The following PAFAH1B2 variants were observed in gnomAD, a reference collection of about 807,000 sequenced individuals.
PAFAH1B2 encodes the protein platelet activating factor acetylhydrolase 1b catalytic subunit 2, also known as platelet-activating factor acetylhydrolase IB subunit alpha2.
In PAFAH1B2, 8 loss-of-function variants were observed where a neutral mutation model predicts 28.0. The ratio of observed to expected loss-of-function variants is 0.29; its 90% confidence interval spans 0.17 to 0.52. The LOEUF is 0.52. Ranked by LOEUF, PAFAH1B2 falls within the 20% of genes least tolerant of loss-of-function variation. The pLI is 0.97. For synonymous variants in PAFAH1B2, 104 were observed against 103.2 expected, an observed-to-expected ratio of 1.01 and a Z score of -0.05; for missense variants, 190 against 282.6, an observed-to-expected ratio of 0.67 and a Z score of 2.35.
At position 117,170,211 on chromosome 11, in the gene PAFAH1B2, T is replaced by C. The variant is rs1956618390; in HGVS notation, c.*2512T>C. ...CTTAGTCTTTGTACTTTTTAAAAAA[T>C]CTATAAATTTAATGCACTGTCCAAG... is the stretch of plus-strand genomic sequence containing the variant. On this transcript the variant is annotated 3_prime_UTR_variant, in exon 6 of 6. Transcript: ENST00000527958. 9 of 1,058,548 alleles carry C rather than the reference T, an allele frequency of 8.5e-6. No individual in the cohort carries two copies. Among genetic ancestry groups the C allele is most frequent in the Non-Finnish European group, 1.0e-5 (9 of 875,244 alleles). The allele number at this position is 1,058,548 out of a possible 1,614,324, so 65.6% of individuals were successfully genotyped here.
chr11:117,168,180 ATATTT>A lies in PAFAH1B2; in HGVS notation c.*486_*490del, dbSNP rs1956555480. On this transcript the variant is annotated 3_prime_UTR_variant, in exon 6 of 6. Transcript: ENST00000527958. Reference sequence around the variant, plus strand: ...TTGCTTAGATTCTTATGTATACTGAATATTTTATTAACATGTAGCATCAGGTTGAA... The same window carrying A: ...TTGCTTAGATTCTTATGTATACTGAATATTAACATGTAGCATCAGGTTGAA... 2.9e-6 allele frequency: 3 copies of A among 1,047,850 alleles called. No individual in the cohort carries two copies. The highest frequency in any genetic ancestry group is 4.6e-5 in the South Asian group (1 of 21,696). The allele number at this position is 1,047,850 out of a possible 1,614,324, so 64.9% of individuals were successfully genotyped here. A position where few individuals can be genotyped will look rare whatever the true frequency, so the allele number is the denominator to read the frequency against.
Position 117,160,043 on chromosome 11 carries a change from G to C in PAFAH1B2, c.171+20G>C. ...TATGAGGTAAAGGTGGAAGGGATGA[G>C]CGTGGTTCTTGGCTACTCATGTATA... On this transcript the variant is annotated intron_variant, in intron 3 of 5. Transcript: ENST00000527958. 1 of 1,562,822 alleles carries C rather than the reference G, an allele frequency of 6.4e-7. No individual in the cohort carries two copies. The highest frequency in any genetic ancestry group is 1.7e-5 in the Admixed American group (1 of 59,960).
intron 3 of PAFAH1B2, 73 bp from the exon 4 acceptor site, chr11:117,161,072 C>G: frequency 1.1e-6 from 1 of 908,646 alleles, no homozygotes; most frequent in East Asian, 2.5e-5. Context: ...TAATGCCTTG[C>G]AACACATTGC....
downstream of PAFAH1B2, chr11:117,175,054 A>G (rs897643746): frequency 2.4e-5 from 32 of 1,319,262 alleles, no homozygotes; most frequent in Admixed American, 3.7e-5. Context: ...TGTGTGTTGA[A>G]TGGTCCCATT....
intron 4 of PAFAH1B2, 134 bp downstream of exon 4, chr11:117,161,395 A>G (rs368835188): frequency 1.8e-6 from 1 of 558,498 alleles, no homozygotes; most frequent in Non-Finnish European, 3.1e-6. Flanking sequence ...TTTAAGGTAA[A>G]TGATACTGTC....
At chr11:117,165,884 G>T (rs1956497422) in intron 5 of PAFAH1B2, among the ~76,000 whole-genome samples, 1 of 151,146 alleles carries the variant, frequency 6.6e-6, no homozygotes, top group Non-Finnish European at 1.5e-5. Context: ...CTACTGCCCA[G>T]GCTGGAGTGC....
chr11:117,169,009 T>G lies in PAFAH1B2; in HGVS notation c.*1310T>G, dbSNP rs1366756882. Reference sequence around the variant, plus strand: ...TTTCGCCATGTTAACCAGGCTGGTCTCGAACTCCTGACCTCAGGTGATCTG... The same window carrying G: ...TTTCGCCATGTTAACCAGGCTGGTCGCGAACTCCTGACCTCAGGTGATCTG... On this transcript the variant is annotated 3_prime_UTR_variant, in exon 6 of 6. Coordinates refer to ENST00000527958, the MANE Select transcript of PAFAH1B2 (RefSeq NM_002572.4). The G allele has an allele frequency of 2.2e-6, 1 of 459,882 alleles. No homozygotes were observed. The highest frequency in any genetic ancestry group is 2.9e-6 in the Non-Finnish European group (1 of 339,922). 28.5% of individuals were successfully genotyped at this position (459,882 alleles called of 1,614,324 possible). A position where few individuals can be genotyped will look rare whatever the true frequency, so the allele number is the denominator to read the frequency against.
chr11:117,161,461 A>G (rs940238664), intron 4 of PAFAH1B2, among the ~76,000 whole-genome samples, 200 bp downstream of exon 4: 10 of 151,512 alleles, frequency 6.6e-5, no homozygotes, highest in African/African-American at 1.9e-4. Flanking sequence ...TTGTTTGCCT[A>G]TTGGGTTGTA....
In PAFAH1B2 at chr11:117,169,869, C is replaced by A; in HGVS notation, c.*2170C>A. On this transcript the variant is annotated 3_prime_UTR_variant, in exon 6 of 6. Transcript: ENST00000527958. The stretch of plus-strand genomic sequence containing the variant: ...AGGTGGGAGTATGGTCCAAATAAAT[C>A]CATTAGGTTACTCCTGCAGCATGCG... 1.9e-6 allele frequency: 2 copies of A among 1,054,912 alleles called. No individual in the cohort carries two copies. Among genetic ancestry groups the A allele is most frequent in the Non-Finnish European group, 2.3e-6 (2 of 872,814 alleles). The allele number at this position is 1,054,912 out of a possible 1,614,324, so 65.3% of individuals were successfully genotyped here.
At chr11:117,173,654 C>T (rs1054609881), downstream of PAFAH1B2, among the ~76,000 whole-genome samples, 9 of 152,186 alleles carry the variant, frequency 5.9e-5, no homozygotes, top group Non-Finnish European at 7.3e-5. Flanking sequence ...CATCAAAGTC[C>T]GTCCTTTTTC....
At chr11:117,151,003 AAAG>A (rs1206161991) in intron 1 of PAFAH1B2, among the ~76,000 whole-genome samples, 3 of 151,654 alleles carry the variant, frequency 2.0e-5, no homozygotes, top group African/African-American at 7.3e-5. Context: ...AAAAAAAAAA[AAAG>A]ATGACCTTCT....
At position 117,167,125 on chromosome 11, in the gene PAFAH1B2, G is replaced by A. The variant is rs188672341; in HGVS notation, c.412-296G>A. 9.7e-4 allele frequency among the ~76,000 whole-genome samples: 147 copies of A among 152,210 alleles called. No individual in the cohort carries two copies. In the Middle Eastern group the frequency reaches 0.017, roughly 18 times the overall value. ...TTAAATTTCTTTCTGTAGCTTAGAA[G>A]TTTCATATGTAATTCTGAAGCTCTA... is the stretch of plus-strand genomic sequence containing the variant. On this transcript the variant is annotated intron_variant, in intron 5 of 5. Coordinates refer to ENST00000527958, the MANE Select transcript of PAFAH1B2 (RefSeq NM_002572.4).
intron 5 of PAFAH1B2, chr11:117,164,169 A>C: frequency 4.4e-6 from 1 of 226,592 alleles, no homozygotes; most frequent in South Asian, 8.2e-5. Flanking sequence ...GCACTTTGGG[A>C]GGCCAAGGTG....
At chr11:117,171,784 A>G (rs1043160841), downstream of PAFAH1B2, 30 of 1,497,874 alleles carry the variant, frequency 2.0e-5, no homozygotes, top group Admixed American at 2.8e-4. Flanking sequence ...CTTGGCAGCT[A>G]AAAGTTTCTG....
rs147565512 is a variant in PAFAH1B2 at position 117,160,521 on chromosome 11, G to A, written c.171+498G>A. 7.1e-3 allele frequency among the ~76,000 whole-genome samples: 1,076 copies of A among 152,060 alleles called. 12 individuals are homozygous for A. Among genetic ancestry groups the A allele is most frequent in the African/African-American group, 0.025 (1,026 of 41,466 alleles). Reference sequence around the variant, plus strand: ...TTTTTTGAGACAGTCCCGCTCCATCGTCGAGGCTGGAGTGCAGTGGCACAA... The same window carrying A: ...TTTTTTGAGACAGTCCCGCTCCATCATCGAGGCTGGAGTGCAGTGGCACAA... On this transcript the variant is annotated intron_variant, in intron 3 of 5. Coordinates refer to ENST00000527958, the MANE Select transcript of PAFAH1B2 (RefSeq NM_002572.4).
chr11:117,162,425 T>G (rs182444938), intron 4 of PAFAH1B2, among the ~76,000 whole-genome samples: 8 of 150,032 alleles, frequency 5.3e-5, no homozygotes, highest in Admixed American at 4.7e-4. Flanking sequence ...ATTATAGGCT[T>G]GAGCTACCAT....
chr11:117,170,180 T>C lies in PAFAH1B2; in HGVS notation c.*2481T>C. ...TCCTAGTTTGCGTCAGTGACAGAAC[T>C]TACTGCTTAGTCTTTGTACTTTTTA... is the stretch of plus-strand genomic sequence containing the variant. On this transcript the variant is annotated 3_prime_UTR_variant, in exon 6 of 6. Transcript: ENST00000527958. 1.9e-6 allele frequency: 2 copies of C among 1,056,392 alleles called. No individual in the cohort carries two copies. Among genetic ancestry groups the C allele is most frequent in the Non-Finnish European group, 2.3e-6 (2 of 873,702 alleles). 65.4% of individuals were successfully genotyped at this position (1,056,392 alleles called of 1,614,324 possible).
At chr11:117,149,014 C>T (rs1312043483) in intron 1 of PAFAH1B2, among the ~76,000 whole-genome samples, 2 of 149,304 alleles carry the variant, frequency 1.3e-5, no homozygotes, top group Admixed American at 6.8e-5. Context: ...ATTACAGGCA[C>T]GCACCACAAC....
chr11:117,155,630 T>C (rs1004176027), intron 2 of PAFAH1B2, among the ~76,000 whole-genome samples: 1 of 152,180 alleles, frequency 6.6e-6, no homozygotes, highest in African/African-American at 2.4e-5. Flanking sequence ...TTTGGAAATA[T>C]GTCCAAAATC....
Sources: allele counts gnomAD v4.1 joint callset (sites outside exome capture counted in the v4.1 genomes callset), GRCh38; gene constraint gnomAD v4.1.1; transcripts MANE v1.5; gene names NCBI Gene and HGNC (gene_info 2026-07-23, HGNC 2026-07-21).